The following PLCE1 variants were observed in gnomAD, a reference collection of about 807,000 sequenced individuals.
The protein encoded by PLCE1 is 1-phosphatidylinositol 4,5-bisphosphate phosphodiesterase epsilon-1.
PLCE1 carries 119 observed loss-of-function variants against 242.8 expected under a neutral mutation model. The observed-to-expected ratio is 0.49, with a 90% CI of 0.42 to 0.57. The LOEUF (loss-of-function observed/expected upper bound fraction) is 0.57. Ranked by LOEUF, PLCE1 falls within the 20% of genes least tolerant of loss-of-function variation. The pLI is 0.00. For missense variants in PLCE1, 2,441 were observed against 2,788.8 expected (o/e 0.88, Z 2.81); for synonymous variants, 945 against 1,017.4 (o/e 0.93, Z 1.35).
intron 28 of PLCE1, among the ~76,000 whole-genome samples, chr10:94,314,728 A>G (rs1371891284): frequency 1.3e-5 from 2 of 152,222 alleles, no homozygotes; most frequent in African/African-American, 2.4e-5. Context: ...CATTTGGAGG[A>G]ATTAAAAACC....
rs1363318846 is a variant in PLCE1, at chr10:94,227,131, C to T, written c.1810-175C>T. On this transcript the variant is annotated intron_variant, in intron 4 of 32. Transcript: ENST00000371380. ...ACCTCAGGTGATTCGCCCACCTCAG[C>T]CTCCCAAAGTGCTGGGATTACAGGC... 4 of 619,380 alleles carry T rather than the reference C, an allele frequency of 6.5e-6. No individual in the cohort carries two copies. In the Admixed American group the frequency reaches 9.2e-5, roughly 14 times the overall value. The allele number at this position is 619,380 out of a possible 1,614,324, so 38.4% of individuals were successfully genotyped here. A position where few individuals can be genotyped will look rare whatever the true frequency, so the allele number is the denominator to read the frequency against.
chr10:94,281,664 T>C (rs934341217), intron 20 of PLCE1, among the ~76,000 whole-genome samples: 1 of 152,170 alleles, frequency 6.6e-6, no homozygotes, highest in African/African-American at 2.4e-5. Context: ...TCAAAAGTTC[T>C]GCGAAGTGTT....
At chr10:94,034,719 GC>G (rs2061630368) in intron 2 of PLCE1, among the ~76,000 whole-genome samples, 1 of 152,076 alleles carries the variant, frequency 6.6e-6, no homozygotes. Context: ...CCCTCCTCAG[GC>G]CCTTTGAATC....
chr10:94,196,263 G>A (rs948124001), intron 4 of PLCE1, among the ~76,000 whole-genome samples: 1 of 152,114 alleles, frequency 6.6e-6, no homozygotes, highest in Non-Finnish European at 1.5e-5. Context: ...TAGGGTGAGG[G>A]TTACAGTGAG....
intron 2 of PLCE1, among the ~76,000 whole-genome samples, chr10:94,129,449 A>AT (rs1212069089): frequency 6.6e-6 from 1 of 152,186 alleles, no homozygotes; most frequent in Non-Finnish European, 1.5e-5. Context: ...ATTTACTGAG[A>AT]TTTTTTAAAC....
chr10:94,260,341 A>G (rs896823599), intron 13 of PLCE1, among the ~76,000 whole-genome samples: 1 of 152,130 alleles, frequency 6.6e-6, no homozygotes, highest in African/African-American at 2.4e-5. Context: ...CACCACCACC[A>G]TTACTATCAC....
chr10:94,231,375 T>C (rs911162255), intron 5 of PLCE1, among the ~76,000 whole-genome samples: 1 of 152,186 alleles, frequency 6.6e-6, no homozygotes, highest in African/African-American at 2.4e-5. Flanking sequence ...AATCCAGTTA[T>C]AGGACAAGCT....
At chr10:94,243,202 A>T (rs193063743) in intron 7 of PLCE1, among the ~76,000 whole-genome samples, 1 of 152,180 alleles carries the variant, frequency 6.6e-6, no homozygotes, top group Non-Finnish European at 1.5e-5. Context: ...GATAAGAATG[A>T]TACTTTACCT....
At chr10:94,205,718 ACG>A (rs1463174119) in intron 4 of PLCE1, among the ~76,000 whole-genome samples, 3 of 152,220 alleles carry the variant, frequency 2.0e-5, no homozygotes, top group African/African-American at 7.2e-5. Context: ...AGATCTCTAA[ACG>A]GTTCATCTGT....
At chr10:94,189,426 A>T (rs2048591060) in intron 4 of PLCE1, among the ~76,000 whole-genome samples, 1 of 152,080 alleles carries the variant, frequency 6.6e-6, no homozygotes, top group South Asian at 2.1e-4. Context: ...TCTCCCCACA[A>T]GATGAGGACC....
intron 2 of PLCE1, chr10:94,107,040 T>A (rs2135566118): frequency 6.8e-6 from 1 of 147,760 alleles, no homozygotes; most frequent in Middle Eastern, 3.4e-3. Flanking sequence ...TGATACAATA[T>A]TCACATCAAG....
chr10:94,204,220 T>A (rs931328365), intron 4 of PLCE1, among the ~76,000 whole-genome samples: 2 of 152,140 alleles, frequency 1.3e-5, no homozygotes, highest in African/African-American at 4.8e-5. Context: ...AAGGGTGATA[T>A]GATAGATTAT....
chr10:94,130,937 G>A lies in PLCE1; in HGVS notation c.1207-1237G>A, dbSNP rs74151059. ...TCCCTGGCCATTCGTCAGTGTCACC[G>A]AAGGAGGTGACCTTCATTTCCACCC... On this transcript the variant is annotated intron_variant, in intron 2 of 32. Coordinates refer to ENST00000371380, the MANE Select transcript of PLCE1 (RefSeq NM_016341.4). Among the ~76,000 whole-genome samples the A allele has an allele frequency of 1.6e-3, 250 of 152,340 alleles. 1 individual carries two copies. The highest frequency in any genetic ancestry group is 5.9e-3 in the African/African-American group (247 of 41,584).
intron 1 of PLCE1, among the ~76,000 whole-genome samples, chr10:94,007,036 G>A (rs2061052368): frequency 6.6e-6 from 1 of 152,172 alleles, no homozygotes; most frequent in Non-Finnish European, 1.5e-5. Context: ...ACAGCTGATT[G>A]GATATTTGGG....
chr10:94,050,716 C>A (rs1158688805), intron 2 of PLCE1, among the ~76,000 whole-genome samples: 2 of 151,274 alleles, frequency 1.3e-5, no homozygotes, highest in African/African-American at 2.4e-5. Flanking sequence ...TAAAAGAAAA[C>A]AAAAAAATAA....
chr10:94,014,840 CA>C (rs1277133041), intron 1 of PLCE1, among the ~76,000 whole-genome samples: 1 of 152,196 alleles, frequency 6.6e-6, no homozygotes, highest in East Asian at 1.9e-4. Flanking sequence ...CTTCCTGAAT[CA>C]AAATCTCTTG....
intron 2 of PLCE1, among the ~76,000 whole-genome samples, chr10:94,050,213 A>T (rs998210377): frequency 6.6e-6 from 1 of 152,100 alleles, no homozygotes; most frequent in African/African-American, 2.4e-5. Context: ...GGTTTAATTG[A>T]CTCACAGTTC....
chr10:94,063,290 T>A (rs1038228211), intron 2 of PLCE1, among the ~76,000 whole-genome samples: 1 of 152,188 alleles, frequency 6.6e-6, no homozygotes, highest in African/African-American at 2.4e-5. Context: ...AGGGGGGAAT[T>A]TTACTTTCTC....
chr10:94,287,041 T>G (rs924737253), intron 22 of PLCE1: 2 of 152,194 alleles, frequency 1.3e-5, no homozygotes, highest in African/African-American at 4.8e-5. Context: ...ATATTTGAAG[T>G]CTGTGTGAAA....
Sources: allele counts gnomAD v4.1 joint callset (sites outside exome capture counted in the v4.1 genomes callset), GRCh38; gene constraint gnomAD v4.1.1; transcripts MANE v1.5; gene names NCBI Gene and HGNC (gene_info 2026-07-23, HGNC 2026-07-21).